NOL4L: variants seen among roughly 807,000 people sequenced by gnomAD.
The protein encoded by NOL4L is nucleolar protein 4 like.
NOL4L carries 7 observed loss-of-function variants against 64.5 expected under a neutral mutation model. The observed-to-expected ratio is 0.11, with a 90% confidence interval of 0.06 to 0.20. The LOEUF (loss-of-function observed/expected upper bound fraction) is 0.20, where lower values mean the gene tolerates loss of function less well. Ranked by LOEUF, NOL4L falls within the 10% of genes least tolerant of loss-of-function variation. The pLI is 1.00. For synonymous variants in NOL4L, 413 were observed against 401.0 expected, an observed-to-expected ratio of 1.03 and a Z score of -0.36; for missense variants, 680 against 967.1, an observed-to-expected ratio of 0.70 and a Z score of 3.94.
At chr20:32,454,781 G>GAAC (rs1356447875) in intron 6 of NOL4L, among the ~76,000 whole-genome samples, 2 of 152,242 alleles carry the variant, frequency 1.3e-5, no homozygotes, top group African/African-American at 4.8e-5. Flanking sequence ...CAGGCTCAGG[G>GAAC]AACAGGTGGC....
intron 1 of NOL4L, among the ~76,000 whole-genome samples, chr20:32,563,899 G>A (rs6119899): frequency 0.13 from 19,231 of 152,248 alleles, 1,626 homozygotes; most frequent in African/African-American, 0.24. Flanking sequence ...GGCCCTAAGC[G>A]TATCCTCGGC....
intron 5 of NOL4L, among the ~76,000 whole-genome samples, chr20:32,472,039 T>C (rs2015058611): frequency 6.6e-6 from 1 of 152,182 alleles, no homozygotes; most frequent in South Asian, 2.1e-4. Context: ...AGGTGTGTCA[T>C]CAGCACAGCC....
intron 5 of NOL4L, among the ~76,000 whole-genome samples, chr20:32,457,107 C>T (rs920302249): frequency 6.6e-6 from 1 of 152,256 alleles, no homozygotes; most frequent in Non-Finnish European, 1.5e-5. Context: ...GGGTGGGCAG[C>T]CCCGGCAAAG....
chr20:32,527,783 G>A lies in NOL4L; in HGVS notation c.452C>T (p.Ala151Val). The stretch of plus-strand genomic sequence containing the variant: ...CGCTCGGTAGGTTTTCTTCTGCCCA[G>A]CGTGCTTGGGGGCTTTGCCTGGCTC... ...SAEPGKAPKH[A>V]GQKKTYRAIA... Residue 151 changes from alanine (A) to valine (V), a missense_variant, in exon 2 of 11, where the codon GCT becomes GTT. Ala to Val is a moderately conservative substitution (Grantham distance 64, BLOSUM62 0). Transcript: ENST00000621426. The A allele has an allele frequency of 6.5e-7, 1 of 1,550,078 alleles. No individual in the cohort carries two copies. Among genetic ancestry groups the A allele is most frequent in the Non-Finnish European group, 8.7e-7 (1 of 1,146,602 alleles).
At chr20:32,571,612 CCTCCTCT>C (rs935008349) in intron 1 of NOL4L, among the ~76,000 whole-genome samples, 45 of 152,208 alleles carry the variant, frequency 3.0e-4, no homozygotes, top group African/African-American at 1.1e-3. Context: ...AGGCCTATCT[CCTCCTCT>C]CCCCATGGCA....
intron 1 of NOL4L, among the ~76,000 whole-genome samples, chr20:32,545,106 T>G (rs889563011): frequency 6.6e-6 from 1 of 152,082 alleles, no homozygotes; most frequent in Non-Finnish European, 1.5e-5. Flanking sequence ...TTGAGTTTGT[T>G]GCTGATACTT....
intron 5 of NOL4L, 88 bp from the exon 6 acceptor site, chr20:32,456,483 C>G: frequency 2.3e-6 from 3 of 1,283,894 alleles, no homozygotes; most frequent in South Asian, 4.3e-5. Flanking sequence ...GTGTCCTCCT[C>G]ATGAGTGTCC....
At chr20:32,455,116 C>T (rs1230023281) in intron 6 of NOL4L, among the ~76,000 whole-genome samples, 1 of 152,370 alleles carries the variant, frequency 6.6e-6, no homozygotes, top group Middle Eastern at 3.4e-3. Context: ...TGAGCCAGGG[C>T]CAGGGCAGAC....
chr20:32,507,732 G>A (rs936524290), intron 4 of NOL4L, among the ~76,000 whole-genome samples: 12 of 152,096 alleles, frequency 7.9e-5, no homozygotes, highest in African/African-American at 2.9e-4. Context: ...TATCCTGGCC[G>A]GGCACAGTGG....
At position 32,584,133 on chromosome 20, in the gene NOL4L, G is replaced by GCGCACACA. The variant is rs1555811186; in HGVS notation, c.321+436_321+437insTGTGTGCG. 6.8e-4 allele frequency among the ~76,000 whole-genome samples: 60 copies of GCGCACACA among 88,818 alleles called. 2 individuals carry two copies. Among genetic ancestry groups the GCGCACACA allele is most frequent in the African/African-American group, 1.7e-3 (33 of 19,164 alleles). 58.3% of individuals were successfully genotyped at this position (88,818 alleles called of 152,430 possible). On this transcript the variant is annotated intron_variant, in intron 1 of 10. Transcript: ENST00000621426. ...CCCCGCGGCACCACCCTCCGCGCGC[G>GCGCACACA]CACACACACACACACACACACACAC...
Position 32,498,723 on chromosome 20 carries a change from A to G in NOL4L, c.699+12624T>C, listed in dbSNP as rs191907481. 2.8e-3 allele frequency among the ~76,000 whole-genome samples: 397 copies of G among 143,372 alleles called. 3 individuals carry two copies. The highest frequency in any genetic ancestry group is 9.6e-3 in the African/African-American group (370 of 38,692). 94.1% of individuals were successfully genotyped at this position (143,372 alleles called of 152,430 possible). ...GGCTGCATTGAGCTGTGATTGCACCACTGCACTCTACCCTGGGCAACGGGA... is the reference window on the plus strand; with the variant it reads ...GGCTGCATTGAGCTGTGATTGCACCGCTGCACTCTACCCTGGGCAACGGGA... On this transcript the variant is annotated intron_variant, in intron 4 of 10. Coordinates refer to ENST00000621426, the MANE Select transcript of NOL4L (RefSeq NM_001256798.2).
intron 1 of NOL4L, among the ~76,000 whole-genome samples, chr20:32,553,329 A>G (rs1412108075): frequency 6.6e-6 from 1 of 151,398 alleles, no homozygotes. Flanking sequence ...ACTCACCCCC[A>G]CACCCAGGGC....
At chr20:32,468,400 C>T (rs1280787300) in intron 5 of NOL4L, among the ~76,000 whole-genome samples, 1 of 152,178 alleles carries the variant, frequency 6.6e-6, no homozygotes, top group East Asian at 1.9e-4. Flanking sequence ...TTCCCAGCCC[C>T]CTGCTGCCAC....
intron 1 of NOL4L, among the ~76,000 whole-genome samples, chr20:32,528,740 G>T (rs529393599): frequency 1.1e-4 from 17 of 152,356 alleles, no homozygotes; most frequent in African/African-American, 3.8e-4. Context: ...GAAGGGAACG[G>T]ACTGCTGGGG....
chr20:32,484,598 C>T (rs2015969991), intron 4 of NOL4L, among the ~76,000 whole-genome samples: 1 of 152,148 alleles, frequency 6.6e-6, no homozygotes. Flanking sequence ...CCCCGCCCCG[C>T]CGCCGGTCAT....
chr20:32,574,854 G>A (rs1979993542), intron 1 of NOL4L, among the ~76,000 whole-genome samples: 1 of 151,958 alleles, frequency 6.6e-6, no homozygotes, highest in African/African-American at 2.4e-5. Flanking sequence ...CTTGGATGCT[G>A]TGCCCCAGAT....
intron 1 of NOL4L, among the ~76,000 whole-genome samples, chr20:32,580,892 C>T (rs774768285): frequency 3.9e-5 from 6 of 152,164 alleles, no homozygotes; most frequent in Non-Finnish European, 7.4e-5. Flanking sequence ...GCTCTGGGGA[C>T]GGCTCCACGC....
In NOL4L at chr20:32,446,666, G is replaced by C. The variant is rs1471632353; in HGVS notation, c.*930C>G. The stretch of plus-strand genomic sequence containing the variant: ...GCTGGTTAGGGACAGGACGCTCTCT[G>C]GGTTCCAGCTCCTGGACACCCAGTC... On this transcript the variant is annotated 3_prime_UTR_variant, in exon 11 of 11. Coordinates refer to ENST00000621426, the MANE Select transcript of NOL4L (RefSeq NM_001256798.2). The C allele has an allele frequency of 6.5e-6, 1 of 153,850 alleles. No individual in the cohort carries two copies. The highest frequency in any genetic ancestry group is 2.4e-5 in the African/African-American group (1 of 41,472). 9.5% of individuals were successfully genotyped at this position (153,850 alleles called of 1,614,324 possible).
In NOL4L at chr20:32,460,378, C is replaced by T. The variant is rs1035687566; in HGVS notation, c.842-3983G>A. On this transcript the variant is annotated intron_variant, in intron 5 of 10. Transcript: ENST00000621426. The surrounding 1 kb of genome is among the most constrained non-coding windows in gnomAD (Gnocchi z 5.7). ...AAGGTCTCGCCTACCCCCAGCTCCGCTCAGGCAGCCCCGGCATGCCAGCCC... is the reference window on the plus strand; with the variant it reads ...AAGGTCTCGCCTACCCCCAGCTCCGTTCAGGCAGCCCCGGCATGCCAGCCC... Among the ~76,000 whole-genome samples the T allele has an allele frequency of 3.3e-5, 5 of 152,334 alleles. No individual in the cohort carries two copies. Among genetic ancestry groups the T allele is most frequent in the Admixed American group, 3.3e-4 (5 of 15,300 alleles).
Sources: allele counts gnomAD v4.1 joint callset (sites outside exome capture counted in the v4.1 genomes callset), GRCh38; gene constraint gnomAD v4.1.1; non-coding constraint Gnocchi (gnomAD v3.1); transcripts MANE v1.5; gene names NCBI Gene and HGNC (gene_info 2026-07-23, HGNC 2026-07-21).